The following CLEC3A variants were observed in gnomAD, a reference collection of about 807,000 sequenced individuals.
CLEC3A encodes the protein C-type (calcium dependent, carbohydrate-recognition domain) lectin, superfamily member 1 (cartilage-derived).
Under a neutral mutation model 20.4 loss-of-function variants are expected in CLEC3A, and 28 were observed. That is an observed-to-expected ratio of 1.37 (90% CI 1.02 to 1.88). CLEC3A has a LOEUF of 1.88. CLEC3A is among the 40% of genes most tolerant of loss of function. The pLI is 0.00. For missense variants in CLEC3A, 357 were observed against 240.4 expected (o/e 1.48, Z -3.21); for synonymous variants, 110 against 88.1 (o/e 1.25, Z -1.39).
chr16:78,029,429 C>T (rs207476194), intron 2 of CLEC3A, among the ~76,000 whole-genome samples: 1 of 152,124 alleles, frequency 6.6e-6, no homozygotes, highest in Non-Finnish European at 1.5e-5. Context: ...AGTACAATGG[C>T]GCAATCTCGG....
intron 2 of CLEC3A, among the ~76,000 whole-genome samples, chr16:78,028,919 A>G (rs1439815642): frequency 1.3e-5 from 2 of 152,184 alleles, no homozygotes; most frequent in Non-Finnish European, 2.9e-5. Context: ...TACCACAAGC[A>G]ATGTTGCCTA....
At chr16:78,029,512 G>A (rs1386526726) in intron 2 of CLEC3A, among the ~76,000 whole-genome samples, 1 of 151,964 alleles carries the variant, frequency 6.6e-6, no homozygotes. Context: ...GGGATTATAG[G>A]CACACACCAC....
rs2030134189 is a variant in CLEC3A, at chr16:78,031,771, C to T, written c.*930C>T. The T allele has an allele frequency of 6.6e-6, 1 of 151,980 alleles. No homozygotes were observed. Among genetic ancestry groups the T allele is most frequent in the Non-Finnish European group, 1.5e-5 (1 of 68,022 alleles). 9.4% of individuals were successfully genotyped at this position (151,980 alleles called of 1,614,324 possible). On this transcript the variant is annotated 3_prime_UTR_variant, in exon 3 of 3. Transcript: ENST00000299642. ...ATTATGGGCAACCAATCTTTGGAAG[C>T]TGAAAACTGAATTTAAAGAATGCTA...
chr16:78,029,233 C>T, intron 2 of CLEC3A: 1 of 421,500 alleles, frequency 2.4e-6, no homozygotes, highest in Non-Finnish European at 4.7e-6. Context: ...TGAGGCCTGA[C>T]TCTCCAGTGC....
chr16:78,025,862 G>C (rs960191625), intron 1 of CLEC3A, among the ~76,000 whole-genome samples: 31 of 152,288 alleles, frequency 2.0e-4, no homozygotes, highest in Non-Finnish European at 3.4e-4. Flanking sequence ...TCTCCCAGGA[G>C]CCTAATATCA....
intron 1 of CLEC3A, among the ~76,000 whole-genome samples, chr16:78,027,900 C>A (rs2029972312): frequency 6.6e-6 from 1 of 152,250 alleles, no homozygotes. Flanking sequence ...AAGTGGTCCA[C>A]CCGCCTTGGC....
In CLEC3A at chr16:78,031,088, G is replaced by A. The variant is rs1198830688; in HGVS notation, c.*247G>A. The A allele has an allele frequency of 2.5e-6, 1 of 397,578 alleles. No homozygotes were observed. The highest frequency in any genetic ancestry group is 4.4e-6 in the Non-Finnish European group (1 of 225,604). 24.6% of individuals were successfully genotyped at this position (397,578 alleles called of 1,614,324 possible). ...CAGATAAAATGGCTTCTGCTAAACA[G>A]ACTAAAATCTTTCTCTCTAGTCTTT... On this transcript the variant is annotated 3_prime_UTR_variant, in exon 3 of 3. Coordinates refer to ENST00000299642, the MANE Select transcript of CLEC3A (RefSeq NM_005752.6).
intron 1 of CLEC3A, among the ~76,000 whole-genome samples, chr16:78,023,087 A>G (rs2018770482): frequency 6.6e-6 from 1 of 152,228 alleles, no homozygotes; most frequent in African/African-American, 2.4e-5. Flanking sequence ...TGGGGCAAGA[A>G]GAATGTATTA....
intron 1 of CLEC3A, among the ~76,000 whole-genome samples, chr16:78,026,906 C>T (rs2029942208): frequency 6.6e-6 from 1 of 152,154 alleles, no homozygotes; most frequent in Non-Finnish European, 1.5e-5. Flanking sequence ...TAGCACTTAA[C>T]CCTGCTAGTA....
At chr16:78,028,318 A>T (rs928211176) in intron 2 of CLEC3A, 128 bp downstream of exon 2, 29 of 609,022 alleles carry the variant, frequency 4.8e-5, no homozygotes, top group Non-Finnish European at 7.7e-5. Flanking sequence ...GAGGGCCCCA[A>T]TGCCGGGAGA....
rs1400100309 is a variant in CLEC3A, at chr16:78,031,797, T to C, written c.*956T>C. Reference sequence around the variant, plus strand: ...TGAAAACTGAATTTAAAGAATGCTATCTTGGAAAATTGCATACGTCTGTGC... The same window carrying C: ...TGAAAACTGAATTTAAAGAATGCTACCTTGGAAAATTGCATACGTCTGTGC... On this transcript the variant is annotated 3_prime_UTR_variant, in exon 3 of 3. Coordinates refer to ENST00000299642, the MANE Select transcript of CLEC3A (RefSeq NM_005752.6). 6.6e-6 allele frequency: 1 copy of C among 152,178 alleles called. No homozygotes were observed. The highest frequency in any genetic ancestry group is 2.4e-5 in the African/African-American group (1 of 41,454). 9.4% of individuals were successfully genotyped at this position (152,178 alleles called of 1,614,324 possible). A position where few individuals can be genotyped will look rare whatever the true frequency, so the allele number is the denominator to read the frequency against.
chr16:78,024,506 A>AAAAAC lies in CLEC3A; in HGVS notation c.115+1781_115+1785dup, dbSNP rs1047269256. ...CATGTGCATGCACATGCTTTTATTT[A>AAAAAC]AAAACAAAACAAAACAAAACTGACT... On this transcript the variant is annotated intron_variant, in intron 1 of 2. Transcript: ENST00000299642. Among the ~76,000 whole-genome samples, 7 of 152,108 alleles carry AAAAAC rather than the reference A, an allele frequency of 4.6e-5. No homozygotes were observed. The East Asian group carries it at 7.8e-4, about 17-fold the overall frequency.
intron 1 of CLEC3A, among the ~76,000 whole-genome samples, chr16:78,023,462 T>C (rs535151157): frequency 5.9e-5 from 9 of 152,252 alleles, no homozygotes; most frequent in African/African-American, 2.2e-4. Context: ...ACAATGATGA[T>C]AGCGAGGTGT....
intron 1 of CLEC3A, among the ~76,000 whole-genome samples, chr16:78,023,828 G>A (rs1023465734): frequency 2.0e-5 from 3 of 151,308 alleles, no homozygotes; most frequent in East Asian, 3.9e-4. Flanking sequence ...CACAATCTTG[G>A]CTCACTACAA....
At chr16:78,022,889 T>A in intron 1 of CLEC3A, 148 bp downstream of exon 1, 2 of 756,678 alleles carry the variant, frequency 2.6e-6, no homozygotes, top group South Asian at 2.4e-5. Flanking sequence ...GGGGATTAAG[T>A]GAACTTGTAA....
rs375192134 is a variant in CLEC3A at position 78,030,785 on chromosome 16, G to A, written c.538G>A (p.Asp180Asn). The A allele has an allele frequency of 1.8e-4, 293 of 1,614,026 alleles. No homozygotes were observed. Among genetic ancestry groups the A allele is most frequent in the Non-Finnish European group, 1.6e-4 (192 of 1,180,012 alleles). Residue 180 changes from aspartate to asparagine, a missense_variant, in exon 3 of 3, where the codon GAT (aspartate) becomes AAT (asparagine). Coordinates refer to ENST00000299642, the MANE Select transcript of CLEC3A (RefSeq NM_005752.6). ...CCAATCAGCTCAGGGCAAGTGGAGTGATGAGGCCTGTCGCAGCAGCAAGAG... is the reference window on the plus strand; with the variant it reads ...CCAATCAGCTCAGGGCAAGTGGAGTAATGAGGCCTGTCGCAGCAGCAAGAG... Reference protein sequence around the residue: ...FSQSAQGKWSDEACRSSKRYI... With the variant: ...FSQSAQGKWSNEACRSSKRYI...
At chr16:78,027,989 C>T in intron 1 of CLEC3A, 118 bp from the exon 2 acceptor site, 1 of 749,314 alleles carries the variant, frequency 1.3e-6, no homozygotes. Flanking sequence ...TTTGTATACA[C>T]TGGGCTCAGG....
chr16:78,027,936 G>A (rs528218370), intron 1 of CLEC3A, among the ~76,000 whole-genome samples, 171 bp from the exon 2 acceptor site: 12 of 152,350 alleles, frequency 7.9e-5, no homozygotes, highest in Middle Eastern at 3.4e-3. Context: ...GATTACAGGC[G>A]TGAGCCACTT....
rs771906099 is a variant in CLEC3A at position 78,030,663 on chromosome 16, G to A, written c.416G>A (p.Gly139Asp). 10 of 1,614,128 alleles carry A rather than the reference G, an allele frequency of 6.2e-6. No homozygotes were observed. The highest frequency in any genetic ancestry group is 1.1e-5 in the South Asian group (1 of 91,074). Residue 139 changes from glycine (G) to aspartate (D), a missense_variant, in exon 3 of 3, where the codon GGC (glycine) becomes GAC (aspartate). Gly to Asp is a moderately conservative substitution (Grantham distance 94). Coordinates refer to ENST00000299642, the MANE Select transcript of CLEC3A (RefSeq NM_005752.6). ...GGCATCAATGACATGGTCACGGAAG[G>A]CAAGTTTGTTGACGTCAACGGAATC... ...WLGINDMVTE[G>D]KFVDVNGIAI...
Sources: gnomAD v4.1 joint callset for allele counts (sites outside exome capture counted in the v4.1 genomes callset) on GRCh38, gnomAD v4.1.1 for gene constraint, MANE v1.5 for transcripts, NCBI Gene and HGNC (gene_info 2026-07-23, HGNC 2026-07-21) for gene names.